ARHGEF26: variants seen among roughly 807,000 people sequenced by gnomAD.
ARHGEF26 encodes Rho guanine nucleotide exchange factor 26, also known as Rho guanine nucleotide exchange factor (GEF) 26.
Under a neutral mutation model 89.4 loss-of-function variants are expected in ARHGEF26, and 59 were observed. The observed-to-expected ratio is 0.66, with a 90% confidence interval of 0.54 to 0.82. ARHGEF26 has a LOEUF of 0.82. ARHGEF26 is among the 40% of genes least tolerant of loss of function. The pLI is 0.00. For synonymous variants in ARHGEF26, 500 were observed against 428.4 expected, an observed-to-expected ratio of 1.17 and a Z score of -2.06; for missense variants, 1,234 against 1,085.6, an observed-to-expected ratio of 1.14 and a Z score of -1.92.
chr3:154,147,718 G>A (rs1388832708), intron 4 of ARHGEF26, among the ~76,000 whole-genome samples: 5 of 152,178 alleles, frequency 3.3e-5, no homozygotes, highest in African/African-American at 1.2e-4. Flanking sequence ...CCCTGTGTCT[G>A]AATTTGAGAA....
At chr3:154,165,579 A>G (rs1224995279) in intron 6 of ARHGEF26, among the ~76,000 whole-genome samples, 1 of 152,118 alleles carries the variant, frequency 6.6e-6, no homozygotes, top group East Asian at 1.9e-4. Context: ...TTTATTCCAG[A>G]CTTTCCTGGC....
intron 9 of ARHGEF26, among the ~76,000 whole-genome samples, chr3:154,204,913 T>C (rs1714918565): frequency 6.6e-6 from 1 of 152,242 alleles, no homozygotes; most frequent in South Asian, 2.1e-4. Context: ...TTGAATATTT[T>C]ATGACTTGTT....
At chr3:154,223,936 T>C (rs559001749) in intron 10 of ARHGEF26, among the ~76,000 whole-genome samples, 1 of 151,054 alleles carries the variant, frequency 6.6e-6, no homozygotes, top group East Asian at 2.0e-4. Flanking sequence ...ATTAGTTACA[T>C]TTTATGCCAA....
chr3:154,255,249 G>C, intron 14 of ARHGEF26, 82 bp from the exon 15 acceptor site: 1 of 1,439,028 alleles, frequency 6.9e-7, no homozygotes, highest in Non-Finnish European at 9.5e-7. Context: ...GAGGGATGCT[G>C]CCTCTCAGCT....
rs141603494 is a variant in ARHGEF26, at chr3:154,158,002, C to T, written c.1487+5070C>T. Among the ~76,000 whole-genome samples the T allele has an allele frequency of 7.9e-3, 1,201 of 152,112 alleles. 11 individuals carry two copies. Among genetic ancestry groups the T allele is most frequent in the African/African-American group, 0.028 (1,148 of 41,512 alleles). On this transcript the variant is annotated intron_variant, in intron 6 of 14. Transcript: ENST00000465093. ...TTGTAAGCAGTGGTGGTGGTATTTA[C>T]CCCCTAAGGATACTTGGAAATGCAT...
chr3:154,255,664 C>T lies in ARHGEF26; in HGVS notation c.*191C>T. 6.4e-6 allele frequency: 9 copies of T among 1,397,182 alleles called. No homozygotes were observed. The highest frequency in any genetic ancestry group is 8.3e-6 in the Non-Finnish European group (9 of 1,082,596). The allele number at this position is 1,397,182 out of a possible 1,614,324, so 86.5% of individuals were successfully genotyped here. Reference sequence around the variant, plus strand: ...TTGGATACAGTGAGTTTGCACAGCTCAGTTTTTACCTAACCACACACTTGC... The same window carrying T: ...TTGGATACAGTGAGTTTGCACAGCTTAGTTTTTACCTAACCACACACTTGC... On this transcript the variant is annotated 3_prime_UTR_variant, in exon 15 of 15. Coordinates refer to ENST00000465093, the MANE Select transcript of ARHGEF26 (RefSeq NM_015595.4).
At chr3:154,188,409 G>A (rs1242176108) in intron 7 of ARHGEF26, among the ~76,000 whole-genome samples, 5 of 152,218 alleles carry the variant, frequency 3.3e-5, no homozygotes, top group Non-Finnish European at 7.3e-5. Flanking sequence ...AAAGAGTTAA[G>A]CATTAGATTT....
At chr3:154,126,577 T>C (rs1315539035) in intron 3 of ARHGEF26, among the ~76,000 whole-genome samples, 1 of 152,188 alleles carries the variant, frequency 6.6e-6, no homozygotes, top group Non-Finnish European at 1.5e-5. Flanking sequence ...TGGAGTCCCA[T>C]TGTGTTCAGG....
chr3:154,137,072 G>A (rs558080376), intron 4 of ARHGEF26, among the ~76,000 whole-genome samples: 170 of 152,272 alleles, frequency 1.1e-3, no homozygotes, highest in African/African-American at 4.0e-3. Context: ...GAGATCCATG[G>A]TTTGGATATT....
intron 9 of ARHGEF26, among the ~76,000 whole-genome samples, chr3:154,211,493 A>G (rs1377230646): frequency 3.9e-5 from 5 of 128,462 alleles, no homozygotes; most frequent in Non-Finnish European, 7.9e-5. Flanking sequence ...TCTCTGCAAC[A>G]TGCCGCTGCT....
Position 154,187,842 on chromosome 3 carries a change from G to C in ARHGEF26, c.1640+5G>C, listed in dbSNP as rs748059045. On this transcript the variant is annotated splice_donor_5th_base_variant and intron_variant, in intron 7 of 14. Coordinates refer to ENST00000465093, the MANE Select transcript of ARHGEF26 (RefSeq NM_015595.4). ...ACGAACACTACAAAAATTGTTGTAA[G>C]CAATGTCGAATGCTACAGTTTTAAT... is the stretch of plus-strand genomic sequence containing the variant. The C allele has an allele frequency of 1.2e-6, 2 of 1,605,588 alleles. No individual in the cohort carries two copies. Among genetic ancestry groups the C allele is most frequent in the African/African-American group, 2.7e-5 (2 of 74,920 alleles).
At chr3:154,179,480 G>A (rs979291887) in intron 6 of ARHGEF26, among the ~76,000 whole-genome samples, 10 of 152,326 alleles carry the variant, frequency 6.6e-5, no homozygotes, top group African/African-American at 2.4e-4. Flanking sequence ...AGTTGTGTGT[G>A]CAGTCCTGCA....
chr3:154,122,062 C>T lies in ARHGEF26; in HGVS notation c.70C>T (p.Pro24Ser), dbSNP rs756680473. 1 of 1,612,938 alleles carries T rather than the reference C, an allele frequency of 6.2e-7. No homozygotes were observed. Residue 24 changes from proline to serine, a missense_variant, in exon 2 of 15, where the codon CCT (proline) becomes TCT (serine). Transcript: ENST00000465093. ...CCCTTTGTGGCGGAGGCGGTCGATT[C>T]CTCAGCCCCACCAGGTTCTGGGCCG... Reference protein sequence around the residue: ...ITPLWRRRSIPQPHQVLGRSK... With the variant: ...ITPLWRRRSISQPHQVLGRSK...
Position 154,247,158 on chromosome 3 carries a change from C to T in ARHGEF26, c.2301-5958C>T, listed in dbSNP as rs116299115. Among the ~76,000 whole-genome samples the T allele has an allele frequency of 4.8e-3, 725 of 152,248 alleles. 5 individuals carry two copies. Among genetic ancestry groups the T allele is most frequent in the African/African-American group, 0.017 (689 of 41,546 alleles). ...TGTTTTTCTCAGCCTCTTATCTATG[C>T]TCTTAGTTTGCCTCTCACACCTATG... On this transcript the variant is annotated intron_variant, in intron 12 of 14. Transcript: ENST00000465093.
chr3:154,210,449 G>A (rs906942577), intron 9 of ARHGEF26, among the ~76,000 whole-genome samples: 1 of 151,970 alleles, frequency 6.6e-6, no homozygotes, highest in African/African-American at 2.4e-5. Flanking sequence ...AAGTAGCTGG[G>A]ATTACAGGCA....
chr3:154,143,542 A>G (rs960692831), intron 4 of ARHGEF26, among the ~76,000 whole-genome samples: 1 of 152,194 alleles, frequency 6.6e-6, no homozygotes, highest in African/African-American at 2.4e-5. Flanking sequence ...TCAATTTAAA[A>G]TTCAAAATTT....
rs771366114 is a variant in ARHGEF26, at chr3:154,240,369, G to A, written c.2091-1G>A. On this transcript the variant is annotated splice_acceptor_variant, in intron 11 of 14. Transcript: ENST00000465093. LOFTEE classifies it high-confidence loss of function. Reference sequence around the variant, plus strand: ...CGTGTTCTTTTCCCTTTCCTTTACAGTGAAGAAAGTTACAACGTCAATGAT... The same window carrying A: ...CGTGTTCTTTTCCCTTTCCTTTACAATGAAGAAAGTTACAACGTCAATGAT... 1 of 1,598,516 alleles carries A rather than the reference G, an allele frequency of 6.3e-7. No individual in the cohort carries two copies. The highest frequency in any genetic ancestry group is 8.5e-7 in the Non-Finnish European group (1 of 1,169,616).
chr3:154,206,214 C>T (rs943107627), intron 9 of ARHGEF26, among the ~76,000 whole-genome samples: 30 of 152,170 alleles, frequency 2.0e-4, no homozygotes, highest in African/African-American at 7.0e-4. Flanking sequence ...TCATGCCCCT[C>T]TCTCCTGGCC....
chr3:154,145,732 A>C (rs1453046637), intron 4 of ARHGEF26, among the ~76,000 whole-genome samples: 1 of 152,184 alleles, frequency 6.6e-6, no homozygotes, highest in Non-Finnish European at 1.5e-5. Flanking sequence ...TGATTATCTG[A>C]TCAGCCAAGA....
Sources: gnomAD v4.1 joint callset for allele counts (sites outside exome capture counted in the v4.1 genomes callset) on GRCh38, gnomAD v4.1.1 for gene constraint, MANE v1.5 for transcripts, NCBI Gene and HGNC (gene_info 2026-07-23, HGNC 2026-07-21) for gene names.